The following LRP1B variants were observed in gnomAD, a reference collection of about 807,000 sequenced individuals.
LRP1B encodes the protein low-density lipoprotein receptor-related protein 1B.
LRP1B carries 217 observed loss-of-function variants against 556.6 expected under a neutral mutation model. The observed-to-expected ratio is 0.39, with a 90% CI of 0.35 to 0.44. The LOEUF (loss-of-function observed/expected upper bound fraction) is 0.44, where lower values mean the gene tolerates loss of function less well. LRP1B is among the 20% of genes least tolerant of loss of function. LRP1B has a pLI of 1.00. For missense variants in LRP1B, 5,053 were observed against 5,620.8 expected (o/e 0.90, Z 3.23); for synonymous variants, 2,047 against 1,865.8 (o/e 1.10, Z -2.50).
At chr2:140,999,023 A>C (rs16845115) in intron 15 of LRP1B, among the ~76,000 whole-genome samples, 16,454 of 152,088 alleles carry the variant, frequency 0.11, 974 homozygotes, top group East Asian at 0.2. Context: ...CTCAGCAACC[A>C]TGAATTCCAT....
At chr2:140,474,843 A>G (rs766026261) in intron 60 of LRP1B, among the ~76,000 whole-genome samples, 8 of 151,888 alleles carry the variant, frequency 5.3e-5, no homozygotes, top group Non-Finnish European at 8.8e-5. Context: ...TTCTATTTCA[A>G]TTCAGTTGGG....
rs866163599 is a variant in LRP1B, at chr2:141,524,408, C to A, written c.206-43875G>T. On this transcript the variant is annotated intron_variant, in intron 2 of 90. Transcript: ENST00000389484. The stretch of plus-strand genomic sequence containing the variant: ...ATAGAGAGAACATTTAGGAAATGAT[C>A]TAGAGTTCACTAAGACTCGGTTTAA... Among the ~76,000 whole-genome samples, 9 of 152,148 alleles carry A rather than the reference C, an allele frequency of 5.9e-5. 2 individuals carry two copies. In the Middle Eastern group the frequency reaches 0.031, roughly 518 times the overall value.
Position 141,013,687 on chromosome 2 carries a change from T to C in LRP1B, c.2249A>G (p.Tyr750Cys), listed in dbSNP as rs1461873751. 1 of 1,604,892 alleles carries C rather than the reference T, an allele frequency of 6.2e-7. No homozygotes were observed. The highest frequency in any genetic ancestry group is 2.3e-5 in the East Asian group (1 of 44,132). Residue 750 changes from tyrosine (Y) to cysteine (C), a missense_variant, in exon 14 of 91, where the codon TAT becomes TGT. Tyr to Cys is a radical substitution (Grantham distance 194, BLOSUM62 -2). Around this residue, in one of 5 missense-constraint regions of LRP1B, gnomAD observed 3,619 missense variants for 3,931.9 expected, o/e 0.92. Coordinates refer to ENST00000389484, the MANE Select transcript of LRP1B (RefSeq NM_018557.3). ...HPFGLSHHGN[Y>C]VFWTDYMNGS... The stretch of plus-strand genomic sequence containing the variant: ...ATTCATATAATCAGTCCAGAACACA[T>C]AATTTCCATGATGCGACAGTCCGAA...
intron 21 of LRP1B, among the ~76,000 whole-genome samples, chr2:140,915,675 A>C (rs1225180490): frequency 6.6e-6 from 1 of 150,706 alleles, no homozygotes; most frequent in Admixed American, 6.6e-5. Flanking sequence ...TAAATAAATA[A>C]ATAAATAAAT....
intron 59 of LRP1B, among the ~76,000 whole-genome samples, chr2:140,484,767 G>T (rs1228212412): frequency 6.6e-6 from 1 of 152,114 alleles, no homozygotes; most frequent in African/African-American, 2.4e-5. Flanking sequence ...GAAATCTCCA[G>T]CCTGTGGTCC....
intron 18 of LRP1B, among the ~76,000 whole-genome samples, chr2:140,973,194 T>C (rs73964762): frequency 0.03 from 4,544 of 151,506 alleles, 173 homozygotes; most frequent in African/African-American, 0.089. Flanking sequence ...GAGTAGTTGA[T>C]TCATAACTAT....
chr2:140,467,546 G>C (rs1487049040), intron 60 of LRP1B, among the ~76,000 whole-genome samples: 1 of 148,234 alleles, frequency 6.7e-6, no homozygotes, highest in African/African-American at 2.5e-5. Context: ...CCAGGAGGCA[G>C]AGACTGCAGT....
rs5834837 is a variant in LRP1B at position 141,480,159 on chromosome 2, TTGTG to T, written c.343+233_343+236del. ...AAGAGCCCAACTTCAAAGTCTAAATTTGTGTGTGTGTGTGTGTGTGTGTGTGTGT... is the reference window on the plus strand; with the variant it reads ...AAGAGCCCAACTTCAAAGTCTAAATTTGTGTGTGTGTGTGTGTGTGTGTGT... On this transcript the variant is annotated intron_variant, in intron 3 of 90. Coordinates refer to ENST00000389484, the MANE Select transcript of LRP1B (RefSeq NM_018557.3). Among the ~76,000 whole-genome samples, 695 of 149,960 alleles carry T rather than the reference TTGTG, an allele frequency of 4.6e-3. 10 individuals are homozygous for T. Among genetic ancestry groups the T allele is most frequent in the African/African-American group, 0.015 (610 of 40,812 alleles).
intron 53 of LRP1B, among the ~76,000 whole-genome samples, chr2:140,506,470 C>T (rs952444089): frequency 7.9e-5 from 12 of 152,118 alleles, no homozygotes; most frequent in African/African-American, 2.9e-4. Flanking sequence ...TCTCGAACTC[C>T]TGACCTCAGG....
In LRP1B at chr2:140,375,003, C is replaced by T. The variant is rs568963435; in HGVS notation, c.10639-1866G>A. On this transcript the variant is annotated intron_variant, in intron 68 of 90. Coordinates refer to ENST00000389484, the MANE Select transcript of LRP1B (RefSeq NM_018557.3). ...TCTCGTTCTTCAGTTTTTTTAAATG[C>T]CATTTACTACTTGAAGAAAACAAGT... 3.1e-3 allele frequency among the ~76,000 whole-genome samples: 471 copies of T among 151,822 alleles called. 4 individuals carry two copies. Among genetic ancestry groups the T allele is most frequent in the African/African-American group, 0.011 (462 of 41,432 alleles).
chr2:141,505,989 G>A (rs1221596012), intron 2 of LRP1B, among the ~76,000 whole-genome samples: 1 of 151,970 alleles, frequency 6.6e-6, no homozygotes, highest in Non-Finnish European at 1.5e-5. Context: ...TTCCCTGTCC[G>A]GGAAAGACTG....
At chr2:140,447,639 T>A (rs1192372096) in intron 63 of LRP1B, among the ~76,000 whole-genome samples, 1 of 152,166 alleles carries the variant, frequency 6.6e-6, no homozygotes, top group Non-Finnish European at 1.5e-5. Flanking sequence ...ATGTGTTCAC[T>A]GGGTAGCATT....
chr2:140,732,229 C>T (rs1264058212), intron 35 of LRP1B, among the ~76,000 whole-genome samples: 1 of 151,766 alleles, frequency 6.6e-6, no homozygotes, highest in Non-Finnish European at 1.5e-5. Flanking sequence ...TTAAAAAGTA[C>T]TCCACCAGAT....
intron 66 of LRP1B, among the ~76,000 whole-genome samples, chr2:140,394,638 C>T (rs1684173148): frequency 6.6e-6 from 1 of 152,048 alleles, no homozygotes; most frequent in African/African-American, 2.4e-5. Flanking sequence ...AACTTAGTCA[C>T]ACGACAACAC....
At chr2:141,739,512 G>C (rs963656295) in intron 2 of LRP1B, among the ~76,000 whole-genome samples, 1 of 151,980 alleles carries the variant, frequency 6.6e-6, no homozygotes, top group Non-Finnish European at 1.5e-5. Context: ...TCTGTTTCTT[G>C]TCTCTACTAC....
chr2:140,619,867 A>G (rs1457760596), intron 41 of LRP1B, among the ~76,000 whole-genome samples: 1 of 152,220 alleles, frequency 6.6e-6, no homozygotes, highest in Non-Finnish European at 1.5e-5. Flanking sequence ...TGAGAAAGAT[A>G]CTTATGACCA....
intron 2 of LRP1B, among the ~76,000 whole-genome samples, chr2:141,635,060 A>ACACACG (rs1429388698): frequency 6.6e-6 from 1 of 151,604 alleles, no homozygotes; most frequent in Non-Finnish European, 1.5e-5. Context: ...ACACACACAC[A>ACACACG]CACACACCAA....
intron 2 of LRP1B, among the ~76,000 whole-genome samples, chr2:141,775,975 TG>T (rs1468061827): frequency 2.0e-5 from 3 of 151,870 alleles, no homozygotes; most frequent in Admixed American, 2.0e-4. Context: ...CCCAAGTAGC[TG>T]GGACTACAGG....
chr2:140,480,575 G>T (rs1688189689), intron 59 of LRP1B, among the ~76,000 whole-genome samples: 1 of 151,834 alleles, frequency 6.6e-6, no homozygotes, highest in South Asian at 2.1e-4. Flanking sequence ...TGAGTAGCTG[G>T]GATTACAGGC....
Sources: allele counts gnomAD v4.1 joint callset (sites outside exome capture counted in the v4.1 genomes callset), GRCh38; gene constraint gnomAD v4.1.1; regional missense constraint gnomAD v4.1.1; transcripts MANE v1.5; gene names NCBI Gene and HGNC (gene_info 2026-07-23, HGNC 2026-07-21).